Variants in NRG3 observed in about 807,000 individuals in gnomAD.
The protein encoded by NRG3 is pro-neuregulin-3, membrane-bound isoform.
NRG3 carries 31 observed loss-of-function variants against 66.9 expected under a neutral mutation model. That is an observed-to-expected ratio of 0.46 (90% confidence interval 0.35 to 0.63). NRG3 has a LOEUF of 0.63. Among genes scored for constraint, NRG3 ranks in the 20% least tolerant of loss-of-function variants. The pLI is 0.00. For missense variants in NRG3, 910 were observed against 878.9 expected (o/e 1.04, Z -0.45); for synonymous variants, 393 against 359.4 (o/e 1.09, Z -1.06).
intron 1 of NRG3, among the ~76,000 whole-genome samples, chr10:81,945,924 G>C (rs11818921): frequency 0.011 from 1,726 of 152,218 alleles, 31 homozygotes; most frequent in African/African-American, 0.039. Context: ...CCAAAGATTT[G>C]CAGGAAACCA....
intron 2 of NRG3, among the ~76,000 whole-genome samples, chr10:82,383,529 A>G (rs570347726): frequency 2.0e-5 from 3 of 152,168 alleles, no homozygotes; most frequent in East Asian, 3.9e-4. Context: ...TAATGAAAGT[A>G]CTTAACACCA....
chr10:82,272,995 T>A (rs561577252), intron 1 of NRG3, among the ~76,000 whole-genome samples: 1 of 152,240 alleles, frequency 6.6e-6, no homozygotes, highest in East Asian at 1.9e-4. Context: ...TCTAACAATT[T>A]AACAATTGTC....
At chr10:82,155,748 G>A (rs1564616975) in intron 1 of NRG3, among the ~76,000 whole-genome samples, 1 of 151,672 alleles carries the variant, frequency 6.6e-6, no homozygotes, top group African/African-American at 2.4e-5. Context: ...ATTGACTGGT[G>A]ACCATGTTAT....
intron 1 of NRG3, among the ~76,000 whole-genome samples, chr10:82,049,225 T>C (rs918482535): frequency 1.3e-5 from 2 of 152,118 alleles, no homozygotes; most frequent in African/African-American, 4.8e-5. Context: ...GCTTTGATAA[T>C]TGTTTCACTG....
rs540611233 is a variant in NRG3 at position 82,287,773 on chromosome 10, A to T, written c.824-70966A>T. Among the ~76,000 whole-genome samples the T allele has an allele frequency of 4.6e-5, 7 of 152,248 alleles. No homozygotes were observed. In the East Asian group the frequency reaches 1.4e-3, roughly 30 times the overall value. On this transcript the variant is annotated intron_variant, in intron 1 of 8. Coordinates refer to ENST00000372141, the MANE Select transcript of NRG3 (RefSeq NM_001010848.4). ...GGCCACAGCTGGAGGGACCACTGGG[A>T]TTCTGTTTTCTTGAGACTTTGGTCC...
intron 2 of NRG3, among the ~76,000 whole-genome samples, chr10:82,392,011 CA>C (rs1187855596): frequency 1.2e-4 from 9 of 73,168 alleles, no homozygotes; most frequent in South Asian, 4.1e-4. Context: ...AAAAAAAAAA[CA>C]AAAAAAAAAC....
At chr10:82,566,484 G>C (rs2348331) in intron 2 of NRG3, among the ~76,000 whole-genome samples, 14,631 of 151,708 alleles carry the variant, frequency 0.096, 788 homozygotes, top group Non-Finnish European at 0.12. Context: ...AAAGAAGAAG[G>C]CATGGCCAAA....
rs79144013 is a variant in NRG3 at position 82,069,323 on chromosome 10, A to G, written c.823+193160A>G. On this transcript the variant is annotated intron_variant, in intron 1 of 8. Coordinates refer to ENST00000372141, the MANE Select transcript of NRG3 (RefSeq NM_001010848.4). ...TACACGAAAAGAGGCAAAGCGTGACACAGTGAAATAACAGGTACTGATGTT... is the reference window on the plus strand; with the variant it reads ...TACACGAAAAGAGGCAAAGCGTGACGCAGTGAAATAACAGGTACTGATGTT... 4.0e-3 allele frequency among the ~76,000 whole-genome samples: 604 copies of G among 152,308 alleles called. 7 individuals are homozygous for G. The highest frequency in any genetic ancestry group is 0.014 in the African/African-American group (585 of 41,574).
At chr10:82,796,679 T>C (rs551419963) in intron 3 of NRG3, among the ~76,000 whole-genome samples, 3 of 152,074 alleles carry the variant, frequency 2.0e-5, no homozygotes, top group Non-Finnish European at 4.4e-5. Context: ...TTTGCAAAAA[T>C]GACAGGAGAG....
intron 2 of NRG3, among the ~76,000 whole-genome samples, chr10:82,400,090 C>T (rs1455930331): frequency 2.6e-5 from 4 of 151,934 alleles, no homozygotes; most frequent in South Asian, 2.1e-4. Context: ...ATAATTTAAT[C>T]GCTAGAAAAA....
intron 2 of NRG3, among the ~76,000 whole-genome samples, chr10:82,538,397 A>G (rs925228863): frequency 2.0e-5 from 3 of 152,214 alleles, no homozygotes; most frequent in African/African-American, 7.2e-5. Context: ...CTAGAAATTT[A>G]GTTAAACACA....
At chr10:82,538,649 A>G (rs929738935) in intron 2 of NRG3, among the ~76,000 whole-genome samples, 8 of 152,122 alleles carry the variant, frequency 5.3e-5, no homozygotes, top group Admixed American at 5.2e-4. Flanking sequence ...CACTCTGAAA[A>G]GTACGAAATG....
At chr10:82,360,049 T>C (rs996600527) in intron 2 of NRG3, among the ~76,000 whole-genome samples, 30 of 152,164 alleles carry the variant, frequency 2.0e-4, no homozygotes, top group African/African-American at 6.5e-4. Flanking sequence ...TCAGGACAAA[T>C]AGAACTGTGA....
At chr10:82,571,537 C>T (rs1185448544) in intron 2 of NRG3, among the ~76,000 whole-genome samples, 1 of 151,624 alleles carries the variant, frequency 6.6e-6, no homozygotes, top group African/African-American at 2.4e-5. Context: ...AGCCATACTA[C>T]TGTTGTGAAT....
rs1428197784 is a variant in NRG3 at position 82,663,982 on chromosome 10, G to A, written c.954-74595G>A. Among the ~76,000 whole-genome samples, 4 of 152,152 alleles carry A rather than the reference G, an allele frequency of 2.6e-5. No individual in the cohort carries two copies. In the East Asian group the frequency reaches 7.7e-4, roughly 29 times the overall value. The stretch of plus-strand genomic sequence containing the variant: ...ATGGGAAGCTTGGATCAACGAACTG[G>A]GCAGCCTTATTATGCTGACCCATGG... On this transcript the variant is annotated intron_variant, in intron 2 of 8. Transcript: ENST00000372141.
intron 4 of NRG3, among the ~76,000 whole-genome samples, chr10:82,865,721 A>G (rs1236333334): frequency 7.2e-5 from 11 of 152,164 alleles, no homozygotes; most frequent in Non-Finnish European, 8.8e-5. Context: ...CAATTTTCAT[A>G]TCTGTAAAAT....
At chr10:82,792,870 TG>T (rs1198995471) in intron 3 of NRG3, among the ~76,000 whole-genome samples, 3 of 151,850 alleles carry the variant, frequency 2.0e-5, no homozygotes, top group African/African-American at 7.3e-5. Flanking sequence ...TTAGTAGAGA[TG>T]GGGTTTCTCC....
At chr10:82,413,415 T>C (rs1344944144) in intron 2 of NRG3, among the ~76,000 whole-genome samples, 1 of 152,282 alleles carries the variant, frequency 6.6e-6, no homozygotes, top group East Asian at 1.9e-4. Flanking sequence ...AACCATGCTG[T>C]AAACAGATAT....
chr10:82,247,551 C>A (rs188121271), intron 1 of NRG3, among the ~76,000 whole-genome samples: 100 of 152,270 alleles, frequency 6.6e-4, no homozygotes, highest in African/African-American at 2.3e-3. Context: ...TGGAGAGACA[C>A]AAACCTTCAG....
Sources: allele counts gnomAD v4.1 joint callset (sites outside exome capture counted in the v4.1 genomes callset), GRCh38; gene constraint gnomAD v4.1.1; transcripts MANE v1.5; gene names NCBI Gene and HGNC (gene_info 2026-07-23, HGNC 2026-07-21).